The following PCBP3 variants were observed in gnomAD, a reference collection of about 807,000 sequenced individuals.
PCBP3 encodes poly(rC) binding protein 3.
In PCBP3, 25 loss-of-function variants were observed where a neutral mutation model predicts 52.7. The observed-to-expected ratio is 0.47, with a 90% CI of 0.35 to 0.66. The LOEUF is 0.66. Among genes scored for constraint, PCBP3 ranks in the 30% least tolerant of loss-of-function variants. The pLI is 0.01. For synonymous variants in PCBP3, 162 were observed against 183.0 expected (o/e 0.89, Z 0.93); for missense variants, 391 against 490.3 (o/e 0.80, Z 1.91).
At chr21:45,823,366 CAGG>C (rs2093204659) in intron 4 of PCBP3, among the ~76,000 whole-genome samples, 12 of 152,212 alleles carry the variant, frequency 7.9e-5, no homozygotes, top group Admixed American at 7.9e-4. Context: ...TGTGCAGCTC[CAGG>C]AGAAGTCCTG....
chr21:45,844,452 C>G (rs2093763283), intron 4 of PCBP3, among the ~76,000 whole-genome samples: 1 of 152,128 alleles, frequency 6.6e-6, no homozygotes, highest in Non-Finnish European at 1.5e-5. Flanking sequence ...TCTCCACCCT[C>G]CCTCCAGCAT....
At chr21:45,899,230 G>A (rs1040236301) in intron 6 of PCBP3, among the ~76,000 whole-genome samples, 6 of 152,162 alleles carry the variant, frequency 3.9e-5, no homozygotes. Flanking sequence ...ACAATTGAAG[G>A]AGGCTTTATT....
intron 4 of PCBP3, among the ~76,000 whole-genome samples, chr21:45,796,247 A>C (rs1042462609): frequency 6.6e-6 from 1 of 152,260 alleles, no homozygotes; most frequent in African/African-American, 2.4e-5. Context: ...AATTGTTAAA[A>C]AAAAATCTAT....
chr21:45,914,144 G>T (rs183974999), intron 12 of PCBP3, 119 bp downstream of exon 12: 3 of 1,538,514 alleles, frequency 1.9e-6, no homozygotes, highest in African/African-American at 1.4e-5. Flanking sequence ...TCTCCCACCC[G>T]TGCTGGAGGC....
At chr21:45,808,348 G>A (rs536669022) in intron 4 of PCBP3, among the ~76,000 whole-genome samples, 1 of 151,984 alleles carries the variant, frequency 6.6e-6, no homozygotes, top group South Asian at 2.1e-4. Flanking sequence ...AAGTTTACAA[G>A]AAAAAAACAA....
chr21:45,766,264 C>T (rs886166969), intron 4 of PCBP3, among the ~76,000 whole-genome samples: 14 of 152,230 alleles, frequency 9.2e-5, no homozygotes, highest in African/African-American at 2.7e-4. Flanking sequence ...ATACCACCAG[C>T]GATGGACCGG....
intron 2 of PCBP3, among the ~76,000 whole-genome samples, chr21:45,703,192 C>T (rs140978160): frequency 5.5e-4 from 83 of 152,252 alleles, no homozygotes; most frequent in South Asian, 1.0e-3. Context: ...CTTCCAAACT[C>T]TGTTGATGTT....
At position 45,859,283 on chromosome 21, in the gene PCBP3, GCGGGT is replaced by G. The variant is rs2094426559; in HGVS notation, c.10+9190_10+9194del. ...AGGGGCCGTGCTGCAGAGGTGGCCA[GCGGGT>G]CAGCCGGGCCGGGAGGCGCTGTGCA... On this transcript the variant is annotated intron_variant, in intron 5 of 17. Transcript: ENST00000681687. Among the ~76,000 whole-genome samples, 4 of 32,902 alleles carry G rather than the reference GCGGGT, an allele frequency of 1.2e-4. No homozygotes were observed. In the South Asian group the frequency reaches 7.1e-3, roughly 59 times the overall value. The allele number at this position is 32,902 out of a possible 152,430, so 21.6% of individuals were successfully genotyped here. A position where few individuals can be genotyped will look rare whatever the true frequency, so the allele number is the denominator to read the frequency against.
At chr21:45,734,066 A>G (rs1311300240) in intron 2 of PCBP3, among the ~76,000 whole-genome samples, 1 of 152,122 alleles carries the variant, frequency 6.6e-6, no homozygotes, top group Non-Finnish European at 1.5e-5. Context: ...ATTTTGAACT[A>G]TGTTTTGGAA....
Position 45,910,899 on chromosome 21 carries a change from C to T in PCBP3, c.472-3C>T. The T allele has an allele frequency of 1.2e-6, 2 of 1,600,978 alleles. No individual in the cohort carries two copies. The highest frequency in any genetic ancestry group is 2.2e-5 in the South Asian group (2 of 90,274). ...GCTCCCTTCCAATGTCCCCTCTCTC[C>T]AGTCCACAGGTGCCCAGGTGCAGGT... On this transcript the variant is annotated splice_region_variant and splice_polypyrimidine_tract_variant and intron_variant, in intron 10 of 17. Transcript: ENST00000681687.
chr21:45,869,588 C>T lies in PCBP3; in HGVS notation c.10+19493C>T, dbSNP rs550916401. ...GCCGTCCCCACCCTCCTCCATCATGCTGTCAACATGCATGTGGGCTGCAGC... is the reference window on the plus strand; with the variant it reads ...GCCGTCCCCACCCTCCTCCATCATGTTGTCAACATGCATGTGGGCTGCAGC... On this transcript the variant is annotated intron_variant, in intron 5 of 17. Coordinates refer to ENST00000681687, the MANE Select transcript of PCBP3 (RefSeq NM_001384156.1). Among the ~76,000 whole-genome samples, 3 of 152,358 alleles carry T rather than the reference C, an allele frequency of 2.0e-5. No individual in the cohort carries two copies. The South Asian group carries it at 6.2e-4, about 32-fold the overall frequency.
intron 13 of PCBP3, among the ~76,000 whole-genome samples, chr21:45,929,520 G>T (rs2075900758): frequency 6.6e-6 from 1 of 152,224 alleles, no homozygotes; most frequent in Non-Finnish European, 1.5e-5. Flanking sequence ...TTAGTGACTA[G>T]TGACTCGGCC....
chr21:45,776,394 T>A (rs947609314), intron 4 of PCBP3, among the ~76,000 whole-genome samples: 1 of 152,020 alleles, frequency 6.6e-6, no homozygotes, highest in Non-Finnish European at 1.5e-5. Flanking sequence ...TCTCTGAGAG[T>A]GGGGTGTTGA....
At chr21:45,841,774 G>A (rs1221736924) in intron 4 of PCBP3, among the ~76,000 whole-genome samples, 1 of 152,220 alleles carries the variant, frequency 6.6e-6, no homozygotes, top group East Asian at 1.9e-4. Context: ...ATGAGCCAAA[G>A]TAGCATTCCT....
At chr21:45,895,654 C>G (rs1426339201) in intron 5 of PCBP3, among the ~76,000 whole-genome samples, 3 of 152,248 alleles carry the variant, frequency 2.0e-5, no homozygotes, top group Admixed American at 2.0e-4. Context: ...AGGCACTTGC[C>G]GAGAACTGCC....
rs947070304 is a variant in PCBP3, at chr21:45,830,981, C to A, written c.-125-18980C>A. On this transcript the variant is annotated intron_variant, in intron 4 of 17. Coordinates refer to ENST00000681687, the MANE Select transcript of PCBP3 (RefSeq NM_001384156.1). The surrounding 1 kb of genome is among the most constrained non-coding windows in gnomAD (Gnocchi z 4.4). ...CGGCCGGCAGCAGTCCCCACGCTGCCCAGGCGGAGCAGCCCCTCTGCCCCC... is the reference window on the plus strand; with the variant it reads ...CGGCCGGCAGCAGTCCCCACGCTGCACAGGCGGAGCAGCCCCTCTGCCCCC... 6.6e-6 allele frequency: 1 copy of A among 152,372 alleles called. No homozygotes were observed. The highest frequency in any genetic ancestry group is 1.5e-5 in the Non-Finnish European group (1 of 68,206). 9.4% of individuals were successfully genotyped at this position (152,372 alleles called of 1,614,324 possible).
At chr21:45,654,025 C>G (rs1388486488) in intron 1 of PCBP3, among the ~76,000 whole-genome samples, 3 of 152,066 alleles carry the variant, frequency 2.0e-5, no homozygotes, top group Admixed American at 6.6e-5. Context: ...GACCCCCCTC[C>G]AGATTCATAT....
intron 4 of PCBP3, among the ~76,000 whole-genome samples, chr21:45,834,939 G>T (rs867199192): frequency 6.6e-6 from 1 of 152,240 alleles, no homozygotes; most frequent in Non-Finnish European, 1.5e-5. Context: ...CCCTCAAAGC[G>T]CTGCTGGAAA....
At position 45,736,256 on chromosome 21, in the gene PCBP3, C is replaced by T. The variant is rs371879932; in HGVS notation, c.-162+827C>T. 1.3e-3 allele frequency among the ~76,000 whole-genome samples: 205 copies of T among 152,290 alleles called. 7 individuals carry two copies. The South Asian group carries it at 0.041, about 31-fold the overall frequency. ...GGGATTGTTATTCCCTGAGGCTTGG[C>T]GAGGTGAAGTAACTCACTCAGGTTA... On this transcript the variant is annotated intron_variant, in intron 3 of 17. Coordinates refer to ENST00000681687, the MANE Select transcript of PCBP3 (RefSeq NM_001384156.1). This position sits in a 1 kb window ranked among gnomAD's most constrained non-coding sequence, Gnocchi z 4.6.
Sources: allele counts gnomAD v4.1 joint callset (sites outside exome capture counted in the v4.1 genomes callset), GRCh38; gene constraint gnomAD v4.1.1; non-coding constraint Gnocchi (gnomAD v3.1); transcripts MANE v1.5; gene names NCBI Gene and HGNC (gene_info 2026-07-23, HGNC 2026-07-21).